Variants in FRAS1 observed in about 807,000 individuals in gnomAD.
FRAS1 encodes Fraser extracellular matrix complex subunit 1, also known as extracellular matrix organizing protein FRAS1.
A neutral mutation model predicts 435.2 loss-of-function variants in FRAS1; 290 were observed. That is an observed-to-expected ratio of 0.67 (90% CI 0.61 to 0.73). FRAS1 has a LOEUF of 0.73. Among genes scored for constraint, FRAS1 ranks in the 30% least tolerant of loss-of-function variants. The pLI is 0.00. For missense variants in FRAS1, 4,860 were observed against 5,001.5 expected (o/e 0.97, Z 0.85); for synonymous variants, 1,800 against 1,851.0 (o/e 0.97, Z 0.71).
At chr4:78,248,204 T>A (rs1725343289) in intron 4 of FRAS1, among the ~76,000 whole-genome samples, 1 of 152,196 alleles carries the variant, frequency 6.6e-6, no homozygotes, top group Admixed American at 6.5e-5. Flanking sequence ...TAGCCAGGAT[T>A]TGGGGGATCA....
At chr4:78,495,760 A>T (rs1445977237) in intron 59 of FRAS1, among the ~76,000 whole-genome samples, 2 of 151,996 alleles carry the variant, frequency 1.3e-5, no homozygotes, top group Non-Finnish European at 2.9e-5. Context: ...TAGAACCTTT[A>T]TTATTATTAT....
At chr4:78,489,611 G>A (rs1485689893) in intron 59 of FRAS1, among the ~76,000 whole-genome samples, 2 of 152,146 alleles carry the variant, frequency 1.3e-5, no homozygotes, top group South Asian at 2.1e-4. Flanking sequence ...TTTTAATGAT[G>A]TCATCTATTC....
intron 2 of FRAS1, among the ~76,000 whole-genome samples, chr4:78,190,045 G>A (rs1030497652): frequency 2.6e-5 from 4 of 152,122 alleles, no homozygotes; most frequent in Admixed American, 6.5e-5. Context: ...TTTCCTGGCC[G>A]CAGAAAACCT....
At chr4:78,246,524 C>G (rs1321891690) in intron 4 of FRAS1, among the ~76,000 whole-genome samples, 1 of 152,162 alleles carries the variant, frequency 6.6e-6, no homozygotes, top group African/African-American at 2.4e-5. Context: ...ATGTGCTGCT[C>G]GATTCAGCCT....
At chr4:78,444,274 A>G (rs1478786838) in intron 41 of FRAS1, 1 of 425,956 alleles carries the variant, frequency 2.3e-6, no homozygotes, top group Non-Finnish European at 4.7e-6. Context: ...GAAACCCTGA[A>G]CTGTATAGCC....
At chr4:78,069,671 G>A (rs1435368111) in intron 2 of FRAS1, among the ~76,000 whole-genome samples, 1 of 152,108 alleles carries the variant, frequency 6.6e-6, no homozygotes, top group African/African-American at 2.4e-5. Flanking sequence ...TGCAATGCAT[G>A]GCATGTGCTT....
At chr4:78,456,148 T>TCTTTTTTC (rs372166037) in intron 47 of FRAS1, among the ~76,000 whole-genome samples, 90 of 103,584 alleles carry the variant, frequency 8.7e-4, no homozygotes, top group Middle Eastern at 4.3e-3. Context: ...CTTTTTTTTT[T>TCTTTTTTC]TTTTTTTTTT....
intron 66 of FRAS1, among the ~76,000 whole-genome samples, chr4:78,518,441 T>TATATAC (rs1560423125): frequency 1.1e-4 from 14 of 132,152 alleles, no homozygotes; most frequent in African/African-American, 1.8e-4. Flanking sequence ...TATATATATA[T>TATATAC]ATATATATAT....
intron 2 of FRAS1, among the ~76,000 whole-genome samples, chr4:78,073,545 T>C (rs558512357): frequency 6.6e-6 from 1 of 152,342 alleles, no homozygotes; most frequent in Admixed American, 6.5e-5. Flanking sequence ...ATTCTATTTC[T>C]CTGTTTATAA....
rs199542867 is a variant in FRAS1, at chr4:78,317,430, C to A, written c.1882C>A (p.Pro628Thr). 1.1e-4 allele frequency: 180 copies of A among 1,613,794 alleles called. 1 individual carries two copies. The South Asian group carries it at 1.2e-3, about 10-fold the overall frequency. ...PTPSHCTACS[P>T]PKALRQGHCL... Reference sequence around the variant, plus strand: ...ACCCTCTCACTGTACAGCCTGCAGCCCCCCCAAGGCTCTGCGTCAAGGCCA... The same window carrying A: ...ACCCTCTCACTGTACAGCCTGCAGCACCCCCAAGGCTCTGCGTCAAGGCCA... Residue 628 changes from proline (P) to threonine (T), a missense_variant, in exon 17 of 74, where the codon CCC becomes ACC. Physicochemically the swap from Pro to Thr is conservative, Grantham distance 38. Coordinates refer to ENST00000512123, the MANE Select transcript of FRAS1 (RefSeq NM_025074.7).
intron 2 of FRAS1, among the ~76,000 whole-genome samples, chr4:78,085,870 A>C (rs1741131955): frequency 6.6e-6 from 1 of 152,212 alleles, no homozygotes; most frequent in Non-Finnish European, 1.5e-5. Context: ...GATCAACGAG[A>C]CAGAAAGTTA....
At chr4:78,380,040 A>G (rs1731952780) in intron 27 of FRAS1, 44 bp downstream of exon 27, 1 of 1,594,318 alleles carries the variant, frequency 6.3e-7, no homozygotes, top group South Asian at 1.1e-5. Flanking sequence ...CCTTTCCATC[A>G]TTGCTTTTCC....
At chr4:78,103,420 T>C (rs1034088185) in intron 2 of FRAS1, among the ~76,000 whole-genome samples, 5 of 152,192 alleles carry the variant, frequency 3.3e-5, no homozygotes, top group Non-Finnish European at 7.3e-5. Context: ...CTCATAGTTT[T>C]CTTCCTCCTC....
At chr4:78,114,462 G>T (rs1560528846) in intron 2 of FRAS1, among the ~76,000 whole-genome samples, 1 of 152,164 alleles carries the variant, frequency 6.6e-6, no homozygotes, top group Non-Finnish European at 1.5e-5. Flanking sequence ...CTGCTCATGA[G>T]CATGGAATGT....
intron 27 of FRAS1, among the ~76,000 whole-genome samples, chr4:78,380,808 G>T (rs572278111): frequency 4.6e-4 from 70 of 152,304 alleles, no homozygotes; most frequent in African/African-American, 1.4e-3. Context: ...GGGTTGGTTG[G>T]TTTTGAGGTT....
intron 65 of FRAS1, among the ~76,000 whole-genome samples, chr4:78,515,323 CT>C (rs78491600): frequency 0.061 from 8,264 of 136,326 alleles, 591 homozygotes; most frequent in African/African-American, 0.18. Context: ...GGTATGCTGG[CT>C]TTTTTTTTTT....
chr4:78,122,229 T>C (rs1719072601), intron 2 of FRAS1, among the ~76,000 whole-genome samples: 1 of 152,174 alleles, frequency 6.6e-6, no homozygotes, highest in African/African-American at 2.4e-5. Context: ...ATTTGGTGTT[T>C]GGTTTTCTGA....
At chr4:78,512,032 G>GT (rs1244165612) in intron 64 of FRAS1, among the ~76,000 whole-genome samples, 2 of 152,152 alleles carry the variant, frequency 1.3e-5, no homozygotes, top group Non-Finnish European at 2.9e-5. Context: ...TGTATTTTGA[G>GT]TATCTTCTGC....
At chr4:78,195,446 T>A (rs940616104) in intron 2 of FRAS1, among the ~76,000 whole-genome samples, 11 of 152,252 alleles carry the variant, frequency 7.2e-5, no homozygotes, top group Non-Finnish European at 1.6e-4. Context: ...GGCTGCTTTG[T>A]TTACCTACTC....
Sources: gnomAD v4.1 joint callset for allele counts (sites outside exome capture counted in the v4.1 genomes callset) on GRCh38, gnomAD v4.1.1 for gene constraint, MANE v1.5 for transcripts, NCBI Gene and HGNC (gene_info 2026-07-23, HGNC 2026-07-21) for gene names.